Variants in MARK3 observed in about 807,000 individuals in gnomAD.
MARK3 encodes microtubule affinity regulating kinase 3, also known as MAP/microtubule affinity-regulating kinase 3.
MARK3 carries 46 observed loss-of-function variants against 90.1 expected under a neutral mutation model. That is an observed-to-expected ratio of 0.51 (90% CI 0.40 to 0.65). The LOEUF (loss-of-function observed/expected upper bound fraction) is 0.65, where lower values mean the gene tolerates loss of function less well. Ranked by LOEUF, MARK3 falls within the 30% of genes least tolerant of loss-of-function variation. The pLI, the probability that MARK3 is intolerant of heterozygous loss-of-function variation, is 0.00. For missense variants in MARK3, 818 were observed against 947.2 expected, an observed-to-expected ratio of 0.86 and a Z score of 1.79; for synonymous variants, 321 against 332.6, an observed-to-expected ratio of 0.97 and a Z score of 0.38.
At chr14:103,479,747 C>G (rs917868664) in intron 13 of MARK3, among the ~76,000 whole-genome samples, 4 of 150,400 alleles carry the variant, frequency 2.7e-5, no homozygotes, top group Non-Finnish European at 5.9e-5. Flanking sequence ...ATTCTCCTAC[C>G]TCAGCCTCCT....
chr14:103,482,653 G>T (rs1309872698), intron 14 of MARK3, among the ~76,000 whole-genome samples: 1 of 152,144 alleles, frequency 6.6e-6, no homozygotes, highest in Non-Finnish European at 1.5e-5. Context: ...TTAAGACTAA[G>T]ATCTGCTCTC....
At chr14:103,422,553 C>T (rs2092260721) in intron 2 of MARK3, among the ~76,000 whole-genome samples, 1 of 152,092 alleles carries the variant, frequency 6.6e-6, no homozygotes, top group Non-Finnish European at 1.5e-5. Context: ...TTTGAATAAC[C>T]ATGACCCGGG....
chr14:103,486,465 G>A (rs1478304450), intron 14 of MARK3, among the ~76,000 whole-genome samples: 4 of 151,858 alleles, frequency 2.6e-5, no homozygotes, highest in Admixed American at 6.6e-5. Context: ...AAAAATTAAT[G>A]TAATACAGCT....
chr14:103,450,467 T>C (rs1431530700), intron 4 of MARK3, among the ~76,000 whole-genome samples: 1 of 152,246 alleles, frequency 6.6e-6, no homozygotes, highest in Non-Finnish European at 1.5e-5. Context: ...ACTTGACATA[T>C]CTTTGATAAT....
chr14:103,494,260 A>G (rs1346401576), intron 15 of MARK3, among the ~76,000 whole-genome samples: 1 of 145,512 alleles, frequency 6.9e-6, no homozygotes, highest in East Asian at 2.0e-4. Flanking sequence ...AAAAAAGACT[A>G]GCATTGATTG....
intron 11 of MARK3, chr14:103,467,481 A>G: frequency 5.1e-6 from 1 of 197,286 alleles, no homozygotes. Context: ...ACTGGCCAAC[A>G]TAGGGAAACT....
In MARK3 at chr14:103,408,789, C is replaced by T. The variant is rs115977814; in HGVS notation, c.243+3522C>T. Reference sequence around the variant, plus strand: ...TTAAAAGACTGTTGCCAGAAATTTGCCTTTTGACAATTCATTAATTTTAGT... The same window carrying T: ...TTAAAAGACTGTTGCCAGAAATTTGTCTTTTGACAATTCATTAATTTTAGT... On this transcript the variant is annotated intron_variant, in intron 2 of 17. Coordinates refer to ENST00000429436, the MANE Select transcript of MARK3 (RefSeq NM_001128918.3). Among the ~76,000 whole-genome samples, 206 of 152,234 alleles carry T rather than the reference C, an allele frequency of 1.4e-3. 1 individual carries two copies. Among genetic ancestry groups the T allele is most frequent in the African/African-American group, 4.7e-3 (197 of 41,540 alleles).
chr14:103,389,053 C>T (rs1040911818), intron 1 of MARK3, among the ~76,000 whole-genome samples: 9 of 151,934 alleles, frequency 5.9e-5, no homozygotes, highest in Admixed American at 1.3e-4. Flanking sequence ...ATAAGAATGT[C>T]GCTTATTAGA....
chr14:103,440,180 TC>T (rs973215050), intron 3 of MARK3, among the ~76,000 whole-genome samples: 1 of 152,226 alleles, frequency 6.6e-6, no homozygotes, highest in African/African-American at 2.4e-5. Flanking sequence ...ATATGTAGTA[TC>T]CCATTATGTG....
At chr14:103,401,234 A>G (rs563078148) in intron 1 of MARK3, among the ~76,000 whole-genome samples, 1 of 152,140 alleles carries the variant, frequency 6.6e-6, no homozygotes, top group African/African-American at 2.4e-5. Context: ...TAATTCTTAA[A>G]TTTTTTAATT....
rs767720389 is a variant in MARK3, at chr14:103,491,845, G to A, written c.1655G>A (p.Arg552Gln). ...HSISSAATPD[R>Q]IRFPRGTASR... ...ATCAGTAGTGCAGCCACCCCAGATC[G>A]AATCCGCTTCCCAAGAGGCACTGCC... is the stretch of plus-strand genomic sequence containing the variant. The change falls in exon 15 of 18, where the codon CGA (arginine) becomes CAA (glutamine). Residue 552 changes from arginine to glutamine, a missense_variant. Around this residue, in one of 3 missense-constraint regions of MARK3, gnomAD observed 560 missense variants for 613.5 expected, o/e 0.91. Transcript: ENST00000429436. 2.7e-5 allele frequency: 43 copies of A among 1,614,012 alleles called. No individual in the cohort carries two copies. In the African/African-American group the frequency reaches 3.1e-4, roughly 12 times the overall value.
At position 103,502,901 on chromosome 14, in the gene MARK3, C is replaced by A; in HGVS notation, c.1936C>A (p.Gln646Lys). Residue 646 changes from glutamine to lysine, a missense_variant, in exon 18 of 18, where the codon CAA (glutamine) becomes AAA (lysine). Coordinates refer to ENST00000429436, the MANE Select transcript of MARK3 (RefSeq NM_001128918.3). ...TTTCAGTCGCAATGTATCTGCTGAG[C>A]AAAAAGATGAAAACAAAGAAGCAAA... is the stretch of plus-strand genomic sequence containing the variant. ...EGSSRNVSAE[Q>K]KDENKEAKPR... The A allele has an allele frequency of 6.2e-7, 1 of 1,611,622 alleles. No individual in the cohort carries two copies. The highest frequency in any genetic ancestry group is 8.5e-7 in the Non-Finnish European group (1 of 1,177,974).
Position 103,385,551 on chromosome 14 carries a change from C to A in MARK3, c.-479C>A. Reference sequence around the variant, plus strand: ...CCTCCTCCGCAGCCCGCTCCATGGTCGGCGCCCACAGCCCGCGGCGGCCTG... The same window carrying A: ...CCTCCTCCGCAGCCCGCTCCATGGTAGGCGCCCACAGCCCGCGGCGGCCTG... On this transcript the variant is annotated 5_prime_UTR_variant, in exon 1 of 18. Coordinates refer to ENST00000429436, the MANE Select transcript of MARK3 (RefSeq NM_001128918.3). The A allele has an allele frequency of 1.3e-5, 2 of 153,836 alleles. No individual in the cohort carries two copies. Among genetic ancestry groups the A allele is most frequent in the South Asian group, 3.8e-4 (2 of 5,300 alleles). 9.5% of individuals were successfully genotyped at this position (153,836 alleles called of 1,614,324 possible).
chr14:103,457,601 A>G (rs1275704260), intron 6 of MARK3, among the ~76,000 whole-genome samples: 1 of 152,214 alleles, frequency 6.6e-6, no homozygotes, highest in Non-Finnish European at 1.5e-5. Context: ...GCCAAGTGTA[A>G]CTGAAACTGT....
chr14:103,477,180 A>G (rs1958904527), intron 13 of MARK3, among the ~76,000 whole-genome samples: 1 of 152,190 alleles, frequency 6.6e-6, no homozygotes, highest in Non-Finnish European at 1.5e-5. Context: ...ATCTTTGTTT[A>G]AAAATTATCT....
chr14:103,497,650 T>G (rs1423809499), intron 15 of MARK3, among the ~76,000 whole-genome samples: 1 of 152,218 alleles, frequency 6.6e-6, no homozygotes, highest in Non-Finnish European at 1.5e-5. Context: ...AAAGTCTACT[T>G]GTTTAAATCC....
At chr14:103,495,256 G>T (rs1454764735) in intron 15 of MARK3, among the ~76,000 whole-genome samples, 2 of 152,160 alleles carry the variant, frequency 1.3e-5, no homozygotes, top group African/African-American at 4.8e-5. Context: ...AGATCAGGTA[G>T]ATCACTCAAG....
intron 12 of MARK3, among the ~76,000 whole-genome samples, chr14:103,470,951 G>A (rs764443873): frequency 2.0e-5 from 3 of 152,172 alleles, no homozygotes; most frequent in Non-Finnish European, 1.5e-5. Context: ...AAGCAACAGT[G>A]TACTAATATC....
intron 2 of MARK3, chr14:103,412,477 A>T (rs56043987): frequency 0.16 from 82,190 of 516,312 alleles, 7,009 homozygotes; most frequent in East Asian, 0.26. Flanking sequence ...TCTTGACCAG[A>T]TTCTTATTCT....
Sources: gnomAD v4.1 joint callset for allele counts (sites outside exome capture counted in the v4.1 genomes callset) on GRCh38, gnomAD v4.1.1 for gene constraint, gnomAD v4.1.1 regional missense constraint, MANE v1.5 for transcripts, NCBI Gene and HGNC (gene_info 2026-07-23, HGNC 2026-07-21) for gene names.